NELL1: variants seen among roughly 807,000 people sequenced by gnomAD.
NELL1 encodes the protein neural EGFL like 1, also known as protein kinase C-binding protein NELL1.
In NELL1, 76 loss-of-function variants were observed where a neutral mutation model predicts 107.4. The observed-to-expected ratio is 0.71, with a 90% CI of 0.59 to 0.86. The LOEUF is 0.86. Ranked by LOEUF, NELL1 falls within the 40% of genes least tolerant of loss-of-function variation. The pLI, the probability that NELL1 is intolerant of heterozygous loss-of-function variation, is 0.00. For synonymous variants in NELL1, 353 were observed against 341.2 expected (o/e 1.03, Z -0.38); for missense variants, 1,024 against 1,005.5 (o/e 1.02, Z -0.25).
chr11:20,994,213 C>T (rs977341008), intron 12 of NELL1, among the ~76,000 whole-genome samples: 1 of 152,200 alleles, frequency 6.6e-6, no homozygotes, highest in African/African-American at 2.4e-5. Flanking sequence ...ATTTCCTCCC[C>T]ATACAGCACA....
At chr11:20,883,405 A>G (rs1034275706) in intron 4 of NELL1, among the ~76,000 whole-genome samples, 1 of 152,206 alleles carries the variant, frequency 6.6e-6, no homozygotes, top group African/African-American at 2.4e-5. Flanking sequence ...AATATTGATT[A>G]AGGGCCTACT....
Position 21,167,017 on chromosome 11 carries a change from G to C in NELL1, c.1426+53303G>C, listed in dbSNP as rs188648449. Among the ~76,000 whole-genome samples, 7 of 151,884 alleles carry C rather than the reference G, an allele frequency of 4.6e-5. No homozygotes were observed. The East Asian group carries it at 1.2e-3, about 25-fold the overall frequency. On this transcript the variant is annotated intron_variant, in intron 13 of 19. Transcript: ENST00000357134. ...AGGGTTCTTTATATACTGAGTAACA[G>C]GAAAGAACTCAAGTTCCTTAAACAA...
At chr11:20,800,340 C>T (rs554672396) in intron 3 of NELL1, among the ~76,000 whole-genome samples, 1 of 152,326 alleles carries the variant, frequency 6.6e-6, no homozygotes, top group African/African-American at 2.4e-5. Flanking sequence ...CTTTTCTCCA[C>T]AGTCTCACCA....
At position 21,339,271 on chromosome 11, in the gene NELL1, A is replaced by G. The variant is rs545854407; in HGVS notation, c.1550-31582A>G. Among the ~76,000 whole-genome samples the G allele has an allele frequency of 2.6e-5, 4 of 152,344 alleles. No homozygotes were observed. The South Asian group carries it at 6.2e-4, about 24-fold the overall frequency. ...CAGGTACACATAGCAAGACAACCGT[A>G]TAAAGGTAAAGGCAGAGATTGGAGT... On this transcript the variant is annotated intron_variant, in intron 14 of 19. Coordinates refer to ENST00000357134, the MANE Select transcript of NELL1 (RefSeq NM_006157.5).
chr11:21,467,220 C>T (rs1472949726), intron 15 of NELL1, among the ~76,000 whole-genome samples: 1 of 152,048 alleles, frequency 6.6e-6, no homozygotes, highest in Non-Finnish European at 1.5e-5. Flanking sequence ...TGACTTAAGA[C>T]AAGGTACTCA....
chr11:21,001,855 T>G (rs988574089), intron 12 of NELL1, among the ~76,000 whole-genome samples: 1 of 151,588 alleles, frequency 6.6e-6, no homozygotes, highest in Non-Finnish European at 1.5e-5. Context: ...CTGTTCACTA[T>G]CTGACTCACC....
intron 5 of NELL1, among the ~76,000 whole-genome samples, chr11:20,905,691 A>T (rs995787227): frequency 6.6e-5 from 10 of 152,174 alleles, no homozygotes; most frequent in African/African-American, 2.2e-4. Context: ...CTGAAGAATG[A>T]GTAATGGAAC....
intron 14 of NELL1, among the ~76,000 whole-genome samples, chr11:21,256,686 T>C (rs1202269760): frequency 6.6e-6 from 1 of 152,046 alleles, no homozygotes; most frequent in African/African-American, 2.4e-5. Context: ...ATAGTGTCTG[T>C]CTTTCAAAGT....
At chr11:20,734,473 G>A (rs978489897) in intron 2 of NELL1, among the ~76,000 whole-genome samples, 2 of 152,164 alleles carry the variant, frequency 1.3e-5, no homozygotes, top group African/African-American at 4.8e-5. Context: ...TCATCATGAA[G>A]GATATGGTGA....
intron 2 of NELL1, among the ~76,000 whole-genome samples, chr11:20,742,992 T>A (rs1004059164): frequency 1.3e-5 from 2 of 152,176 alleles, no homozygotes; most frequent in African/African-American, 2.4e-5. Context: ...ACTGAGCTAA[T>A]GTAGCTTCTA....
chr11:21,379,344 C>T (rs991571016), intron 15 of NELL1, among the ~76,000 whole-genome samples: 5 of 152,022 alleles, frequency 3.3e-5, no homozygotes, highest in Non-Finnish European at 7.4e-5. Context: ...TTGACTTTCT[C>T]CTCCACATTT....
intron 3 of NELL1, among the ~76,000 whole-genome samples, chr11:20,810,854 T>G (rs895844495): frequency 8.6e-5 from 11 of 127,504 alleles, no homozygotes; most frequent in African/African-American, 1.1e-4. Flanking sequence ...AGTAACTGGG[T>G]TTTTTTTTTA....
intron 15 of NELL1, among the ~76,000 whole-genome samples, chr11:21,484,440 C>G (rs969693917): frequency 2.0e-5 from 3 of 151,540 alleles, no homozygotes; most frequent in African/African-American, 7.3e-5. Context: ...TTCTCCTTAC[C>G]TCTCCCCTTA....
At chr11:21,167,303 A>G (rs1307299409) in intron 13 of NELL1, among the ~76,000 whole-genome samples, 1 of 151,848 alleles carries the variant, frequency 6.6e-6, no homozygotes, top group Admixed American at 6.6e-5. Context: ...TCCTGGAACA[A>G]TTCAAACCAC....
At chr11:20,874,229 G>C (rs1362607673) in intron 4 of NELL1, among the ~76,000 whole-genome samples, 1 of 152,028 alleles carries the variant, frequency 6.6e-6, no homozygotes, top group Non-Finnish European at 1.5e-5. Flanking sequence ...CAACACACCC[G>C]GCTAATTTTT....
chr11:21,205,490 A>G (rs1043762140), intron 13 of NELL1, among the ~76,000 whole-genome samples: 12 of 152,290 alleles, frequency 7.9e-5, no homozygotes, highest in African/African-American at 2.9e-4. Flanking sequence ...TGAGCATCCC[A>G]GGTGGACTTC....
At chr11:21,483,297 G>T (rs184310891) in intron 15 of NELL1, among the ~76,000 whole-genome samples, 46 of 152,184 alleles carry the variant, frequency 3.0e-4, no homozygotes, top group Middle Eastern at 6.8e-3. Flanking sequence ...GAATATAGTC[G>T]ACAGAACTGC....
intron 12 of NELL1, among the ~76,000 whole-genome samples, chr11:20,976,024 ATATG>A (rs1851622562): frequency 7.0e-6 from 1 of 142,230 alleles, no homozygotes; most frequent in Non-Finnish European, 1.5e-5. Flanking sequence ...ATCTGTACAT[ATATG>A]TATTATATAC....
intron 14 of NELL1, among the ~76,000 whole-genome samples, chr11:21,235,718 G>T (rs80275931): frequency 9.9e-4 from 150 of 152,176 alleles, no homozygotes; most frequent in African/African-American, 2.0e-3. Context: ...TTAAGTTTAA[G>T]GAGTTATCAC....
Sources: allele counts gnomAD v4.1 joint callset (sites outside exome capture counted in the v4.1 genomes callset), GRCh38; gene constraint gnomAD v4.1.1; transcripts MANE v1.5; gene names NCBI Gene and HGNC (gene_info 2026-07-23, HGNC 2026-07-21).